SESN1: variants seen among roughly 807,000 people sequenced by gnomAD.
SESN1 encodes the protein sestrin-1.
In SESN1, 30 loss-of-function variants were observed where a neutral mutation model predicts 59.3. The observed-to-expected ratio is 0.51, with a 90% CI of 0.38 to 0.69. The LOEUF is 0.69. SESN1 is among the 30% of genes least tolerant of loss of function. SESN1 has a pLI of 0.00. For missense variants in SESN1, 566 were observed against 673.0 expected (o/e 0.84, Z 1.76); for synonymous variants, 197 against 219.9 (o/e 0.90, Z 0.92).
chr6:109,076,046 C>G (rs115412947), intron 1 of SESN1, among the ~76,000 whole-genome samples: 1 of 152,166 alleles, frequency 6.6e-6, no homozygotes, highest in Non-Finnish European at 1.5e-5. Flanking sequence ...GCACTTTCCC[C>G]AACATCTGAA....
intron 1 of SESN1, among the ~76,000 whole-genome samples, chr6:109,046,732 GC>G (rs1780447529): frequency 1.5e-5 from 2 of 136,612 alleles, no homozygotes; most frequent in African/African-American, 5.4e-5. Flanking sequence ...CCTCTGCCCC[GC>G]CGCCCCATCT....
intron 1 of SESN1, among the ~76,000 whole-genome samples, chr6:109,084,953 G>A (rs946963200): frequency 6.6e-6 from 1 of 151,590 alleles, no homozygotes; most frequent in Non-Finnish European, 1.5e-5. Flanking sequence ...ATACCAACTG[G>A]GAAAATCTAA....
At chr6:109,040,657 C>CTT (rs34916346) in intron 1 of SESN1, among the ~76,000 whole-genome samples, 14,017 of 142,056 alleles carry the variant, frequency 0.099, 815 homozygotes, top group Middle Eastern at 0.18. Context: ...CTAGCATAAT[C>CTT]TTTTTTTTTT....
At chr6:109,001,568 A>T in intron 2 of SESN1, 80 bp from the exon 3 acceptor site, 1 of 1,218,390 alleles carries the variant, frequency 8.2e-7, no homozygotes, top group Non-Finnish European at 1.2e-6. Context: ...GCTACACTCT[A>T]AGTATCATTT....
At chr6:109,060,170 T>C (rs1479583518) in intron 1 of SESN1, among the ~76,000 whole-genome samples, 2 of 152,108 alleles carry the variant, frequency 1.3e-5, no homozygotes, top group Non-Finnish European at 2.9e-5. Context: ...CAATCTAATC[T>C]GTGGAAAAAG....
Position 109,028,577 on chromosome 6 carries a change from C to A in SESN1, c.280-26234G>T, listed in dbSNP as rs770069861. Reference sequence around the variant, plus strand: ...CAGAGACCAGTGCCTTTCTTCCGGGCAATACTAGGGGGTAAGACAGGGTTA... The same window carrying A: ...CAGAGACCAGTGCCTTTCTTCCGGGAAATACTAGGGGGTAAGACAGGGTTA... On this transcript the variant is annotated intron_variant, in intron 1 of 9. Transcript: ENST00000436639. Among the ~76,000 whole-genome samples, 33 of 152,140 alleles carry A rather than the reference C, an allele frequency of 2.2e-4. 1 individual carries two copies. The highest frequency in any genetic ancestry group is 4.4e-4 in the Non-Finnish European group (30 of 68,000).
chr6:109,032,620 G>GC (rs113180628), intron 1 of SESN1, among the ~76,000 whole-genome samples: 1 of 126,120 alleles, frequency 7.9e-6, no homozygotes, highest in East Asian at 2.1e-4. Context: ...TTCATCTCGT[G>GC]GGGGGAGTGG....
intron 1 of SESN1, among the ~76,000 whole-genome samples, chr6:109,076,990 T>C (rs1459817368): frequency 6.6e-6 from 1 of 152,234 alleles, no homozygotes; most frequent in African/African-American, 2.4e-5. Context: ...TGGTAGAGCC[T>C]ATTGCTCCTA....
chr6:109,066,230 A>G (rs1162685841), intron 1 of SESN1, among the ~76,000 whole-genome samples: 1 of 152,144 alleles, frequency 6.6e-6, no homozygotes, highest in Admixed American at 6.5e-5. Context: ...CTCTTTCCCT[A>G]GAGCCTTTGC....
At position 109,000,576 on chromosome 6, in the gene SESN1, T is replaced by C. The variant is rs1343896583; in HGVS notation, c.644A>G (p.Asn215Ser). ...TAAATTCTGTAGTTTTTGAGGAGCA[T>C]TCTCTAAACCATTGAGCCACTTGGG... ...GDPKWLNGLENAPQKLQNLGE... is the reference protein window; with the variant it reads ...GDPKWLNGLESAPQKLQNLGE... Residue 215 changes from asparagine (N) to serine (S), a missense_variant, in exon 4 of 10, where the codon AAT becomes AGT. By Grantham distance (46) the Asn-to-Ser change is conservative. Coordinates refer to ENST00000436639, the MANE Select transcript of SESN1 (RefSeq NM_014454.3). 2 of 1,612,322 alleles carry C rather than the reference T, an allele frequency of 1.2e-6. No homozygotes were observed. The highest frequency in any genetic ancestry group is 2.7e-5 in the African/African-American group (2 of 74,854).
chr6:109,000,694 C>A (rs749710095), intron 3 of SESN1, 21 bp from the exon 4 acceptor site: 1 of 1,500,342 alleles, frequency 6.7e-7, no homozygotes, highest in Non-Finnish European at 8.9e-7. Context: ...AAAGATTATT[C>A]TAATTATAAA....
intron 1 of SESN1, among the ~76,000 whole-genome samples, chr6:109,073,078 C>T (rs1346441194): frequency 6.6e-6 from 1 of 151,748 alleles, no homozygotes; most frequent in Admixed American, 6.6e-5. Context: ...CTCTGGAGAC[C>T]AAATGTCTGA....
chr6:109,083,984 G>A (rs1475345662), intron 1 of SESN1, among the ~76,000 whole-genome samples: 4 of 152,132 alleles, frequency 2.6e-5, no homozygotes, highest in African/African-American at 9.7e-5. Flanking sequence ...TATCAAAACA[G>A]TAAATGCTCA....
chr6:109,026,585 C>T (rs570276948), intron 1 of SESN1, among the ~76,000 whole-genome samples: 33 of 152,174 alleles, frequency 2.2e-4, no homozygotes, highest in Middle Eastern at 3.4e-3. Flanking sequence ...CAACCTTCTC[C>T]GCCTCCCAGT....
intron 1 of SESN1, among the ~76,000 whole-genome samples, chr6:109,042,823 AC>A (rs1331687755): frequency 4.6e-5 from 7 of 152,094 alleles, no homozygotes; most frequent in African/African-American, 1.7e-4. Context: ...TTTCCAGAAA[AC>A]AAGGAGGGAA....
At chr6:109,079,360 A>C (rs144233117) in intron 1 of SESN1, among the ~76,000 whole-genome samples, 15 of 152,328 alleles carry the variant, frequency 9.8e-5, no homozygotes, top group African/African-American at 3.6e-4. Flanking sequence ...GAGGTATAAC[A>C]GTTAGACTTT....
chr6:108,996,752 A>G (rs1238173840), intron 5 of SESN1, among the ~76,000 whole-genome samples: 2 of 152,178 alleles, frequency 1.3e-5, no homozygotes, highest in African/African-American at 4.8e-5. Context: ...TAGCAGCATG[A>G]GAACAGAATA....
intron 1 of SESN1, chr6:109,009,343 C>G: frequency 6.8e-7 from 1 of 1,468,696 alleles, no homozygotes; most frequent in Non-Finnish European, 9.0e-7. Context: ...GCCCGCTCAG[C>G]CCCTCGCCCA....
intron 3 of SESN1, 144 bp from the exon 4 acceptor site, chr6:109,000,817 T>C (rs1779605830): frequency 1.7e-6 from 1 of 578,642 alleles, no homozygotes; most frequent in Admixed American, 4.1e-5. Flanking sequence ...AGTTTTTATA[T>C]AAACATTTTA....
Sources: gnomAD v4.1 joint callset for allele counts (sites outside exome capture counted in the v4.1 genomes callset) on GRCh38, gnomAD v4.1.1 for gene constraint, MANE v1.5 for transcripts, NCBI Gene and HGNC (gene_info 2026-07-23, HGNC 2026-07-21) for gene names.